Variants in TACC2 observed in about 807,000 individuals in gnomAD.
The protein encoded by TACC2 is transforming acidic coiled-coil containing protein 2.
In TACC2, 137 loss-of-function variants were observed where a neutral mutation model predicts 227.3. The observed-to-expected ratio is 0.60, with a 90% CI of 0.52 to 0.69. The LOEUF is 0.69. Among genes scored for constraint, TACC2 ranks in the 30% least tolerant of loss-of-function variants. TACC2 has a pLI of 0.00. For synonymous variants in TACC2, 1,523 were observed against 1,487.5 expected, an observed-to-expected ratio of 1.02 and a Z score of -0.55; for missense variants, 3,470 against 3,694.4, an observed-to-expected ratio of 0.94 and a Z score of 1.57.
chr10:122,178,778 G>A (rs955044100), intron 7 of TACC2, among the ~76,000 whole-genome samples: 1 of 152,164 alleles, frequency 6.6e-6, no homozygotes, highest in South Asian at 2.1e-4. Context: ...CTACTCGGAG[G>A]CTGAGGTGGG....
intron 8 of TACC2, among the ~76,000 whole-genome samples, chr10:122,202,863 T>A (rs1593282743): frequency 1.3e-5 from 2 of 150,928 alleles, no homozygotes; most frequent in African/African-American, 4.9e-5. Context: ...TGATGACTCT[T>A]AAGGAGCATG....
chr10:122,142,917 G>C (rs576250085), intron 6 of TACC2, among the ~76,000 whole-genome samples: 1 of 152,346 alleles, frequency 6.6e-6, no homozygotes, highest in East Asian at 1.9e-4. Context: ...CTGCAAGCCT[G>C]TGCCTTTTGG....
Position 122,085,749 on chromosome 10 carries a change from T to A in TACC2, c.3249T>A (p.Asp1083Glu). Reference protein sequence around the residue: ...TQDAPETEACDETQEGRQQPV... With the variant: ...TQDAPETEACEETQEGRQQPV... The stretch of plus-strand genomic sequence containing the variant: ...ATGCCCCAGAGACAGAGGCATGTGA[T>A]GAAACCCAGGAAGGCAGGCAGCAAC... The change falls in exon 4 of 23, where the codon GAT becomes GAA. Residue 1083 changes from aspartate to glutamate, a missense_variant. Coordinates refer to ENST00000369005, the MANE Select transcript of TACC2 (RefSeq NM_206862.4). 6.2e-7 allele frequency: 1 copy of A among 1,613,760 alleles called. No homozygotes were observed. The highest frequency in any genetic ancestry group is 8.5e-7 in the Non-Finnish European group (1 of 1,179,974).
chr10:122,140,404 A>G (rs1218109611), intron 6 of TACC2, among the ~76,000 whole-genome samples: 1 of 152,220 alleles, frequency 6.6e-6, no homozygotes, highest in African/African-American at 2.4e-5. Flanking sequence ...AAAAATATAA[A>G]CACTCTACAT....
chr10:122,160,893 G>A (rs1283981260), intron 7 of TACC2, among the ~76,000 whole-genome samples: 6 of 152,146 alleles, frequency 3.9e-5, no homozygotes, highest in Middle Eastern at 3.2e-3. Flanking sequence ...AATCATACAT[G>A]GGTTTTAGTT....
At chr10:122,065,542 C>T (rs2077284525) in intron 3 of TACC2, among the ~76,000 whole-genome samples, 1 of 152,080 alleles carries the variant, frequency 6.6e-6, no homozygotes, top group Non-Finnish European at 1.5e-5. Flanking sequence ...AATATGGTCT[C>T]CCTTGTACGT....
At chr10:122,243,059 T>C (rs1249117699) in intron 19 of TACC2, among the ~76,000 whole-genome samples, 1 of 152,210 alleles carries the variant, frequency 6.6e-6, no homozygotes, top group Non-Finnish European at 1.5e-5. Context: ...TTCTCCTGCC[T>C]CAGCCTCTCA....
At chr10:122,224,451 T>C (rs527892484) in intron 11 of TACC2, among the ~76,000 whole-genome samples, 1 of 152,288 alleles carries the variant, frequency 6.6e-6, no homozygotes, top group Non-Finnish European at 1.5e-5. Flanking sequence ...ACTTGGGCTG[T>C]GCTTGGTCGT....
chr10:122,179,654 TC>T (rs2093895195), intron 7 of TACC2, among the ~76,000 whole-genome samples: 1 of 149,014 alleles, frequency 6.7e-6, no homozygotes, highest in African/African-American at 2.6e-5. Flanking sequence ...TAAAAACAAC[TC>T]AGGGGCCAGG....
At chr10:122,169,704 G>A (rs536487318) in intron 7 of TACC2, among the ~76,000 whole-genome samples, 1 of 152,224 alleles carries the variant, frequency 6.6e-6, no homozygotes, top group South Asian at 2.1e-4. Context: ...TAAATAATAT[G>A]TGCCGATAAT....
rs1160958106 is a variant in TACC2, at chr10:122,087,474, T to C, written c.4974T>C (p.Gly1658=). Residue 1658 remains glycine, a synonymous_variant, in exon 4 of 23, where the codon GGT becomes GGC. Transcript: ENST00000369005. ...CCTGGACCCTTGACACGCTTGGGGGTGAAAGGAGACCCGGAGTCACTGCTG... is the reference window on the plus strand; with the variant it reads ...CCTGGACCCTTGACACGCTTGGGGGCGAAAGGAGACCCGGAGTCACTGCTG... ...SEPWTLDTLG[G]ERRPGVTAGI... The C allele has an allele frequency of 6.2e-7, 1 of 1,613,572 alleles. No individual in the cohort carries two copies. The highest frequency in any genetic ancestry group is 8.5e-7 in the Non-Finnish European group (1 of 1,179,950).
intron 6 of TACC2, among the ~76,000 whole-genome samples, chr10:122,133,296 C>T (rs2088777095): frequency 6.6e-6 from 1 of 152,126 alleles, no homozygotes; most frequent in Non-Finnish European, 1.5e-5. Context: ...CCCCAGCAAC[C>T]CCACACTGAT....
chr10:122,097,189 T>A (rs1323076944), intron 5 of TACC2, among the ~76,000 whole-genome samples: 1 of 151,460 alleles, frequency 6.6e-6, no homozygotes, highest in Admixed American at 6.6e-5. Context: ...ATTAGCGTGG[T>A]GTGGTGGTAC....
At chr10:122,182,176 T>C (rs542941490) in intron 7 of TACC2, among the ~76,000 whole-genome samples, 1 of 152,208 alleles carries the variant, frequency 6.6e-6, no homozygotes, top group African/African-American at 2.4e-5. Context: ...TTTGCCTTTT[T>C]GATTAGGGAG....
In TACC2 at chr10:122,188,737, C is replaced by G. The variant is rs146281239; in HGVS notation, c.5835-6303C>G. On this transcript the variant is annotated intron_variant, in intron 7 of 22. Transcript: ENST00000369005. Reference sequence around the variant, plus strand: ...TGCTATAACCTAGCGATGGTCAGGACGGCGATGGCCAGCGCCCCGGGAACC... The same window carrying G: ...TGCTATAACCTAGCGATGGTCAGGAGGGCGATGGCCAGCGCCCCGGGAACC... 7.7e-3 allele frequency among the ~76,000 whole-genome samples: 1,179 copies of G among 152,314 alleles called. 18 individuals carry two copies. The highest frequency in any genetic ancestry group is 0.027 in the African/African-American group (1,106 of 41,554).
At chr10:122,006,086 G>T (rs1955088083) in intron 1 of TACC2, among the ~76,000 whole-genome samples, 1 of 152,160 alleles carries the variant, frequency 6.6e-6, no homozygotes, top group African/African-American at 2.4e-5. Flanking sequence ...TTTCATTCAT[G>T]AGTTGTTTTT....
At chr10:122,251,111 G>C (rs2096246823) in intron 22 of TACC2, among the ~76,000 whole-genome samples, 1 of 151,804 alleles carries the variant, frequency 6.6e-6, no homozygotes, top group Admixed American at 6.6e-5. Context: ...TTTTCGTAGA[G>C]ATGGGGTCTC....
chr10:121,990,011 C>T (rs1353096895), intron 1 of TACC2, among the ~76,000 whole-genome samples: 4 of 152,100 alleles, frequency 2.6e-5, no homozygotes, highest in African/African-American at 9.7e-5. Flanking sequence ...TAGATAGGGA[C>T]CTCACAGTTT....
chr10:122,067,379 A>G (rs777949289), intron 3 of TACC2, among the ~76,000 whole-genome samples: 2 of 151,324 alleles, frequency 1.3e-5, no homozygotes, highest in Non-Finnish European at 2.9e-5. Flanking sequence ...GGCTTTCATT[A>G]TTTCCAACAA....
Sources: gnomAD v4.1 joint callset for allele counts (sites outside exome capture counted in the v4.1 genomes callset) on GRCh38, gnomAD v4.1.1 for gene constraint, MANE v1.5 for transcripts, NCBI Gene and HGNC (gene_info 2026-07-23, HGNC 2026-07-21) for gene names.